Variants in ATP4B observed in about 807,000 individuals in gnomAD.
ATP4B encodes potassium-transporting ATPase subunit beta.
A neutral mutation model predicts 35.3 loss-of-function variants in ATP4B; 27 were observed. The observed-to-expected ratio is 0.76, with a 90% CI of 0.56 to 1.05. The LOEUF (loss-of-function observed/expected upper bound fraction) is 1.05, where lower values mean the gene tolerates loss of function less well. ATP4B is among the 50% of genes least tolerant of loss of function. The probability of loss-of-function intolerance (pLI) is 0.00; values close to 1 mark genes in which losing one functional copy is unlikely to be tolerated. For missense variants in ATP4B, 375 were observed against 384.8 expected (o/e 0.97, Z 0.21); for synonymous variants, 162 against 156.0 (o/e 1.04, Z -0.29).
intron 4 of ATP4B, 75 bp downstream of exon 4, chr13:113,652,798 C>T: frequency 6.5e-7 from 1 of 1,529,022 alleles, no homozygotes; most frequent in Non-Finnish European, 9.0e-7. Flanking sequence ...CACCTGTGCT[C>T]CTCGTGGTGG....
At position 113,651,773 on chromosome 13, in the gene ATP4B, C is replaced by G. The variant is rs545381324; in HGVS notation, c.556-46G>C. ...CGTGGCCGCTCCCCACCCCCACCGCCATGTGAGGTGCACGGCACCCACCCA... is the reference window on the plus strand; with the variant it reads ...CGTGGCCGCTCCCCACCCCCACCGCGATGTGAGGTGCACGGCACCCACCCA... On this transcript the variant is annotated intron_variant, in intron 4 of 6. Transcript: ENST00000335288. 2.5e-6 allele frequency: 4 copies of G among 1,602,942 alleles called. No homozygotes were observed. In the African/African-American group the frequency reaches 5.3e-5, roughly 21 times the overall value.
intron 1 of ATP4B, among the ~76,000 whole-genome samples, chr13:113,657,802 G>A (rs2049767248): frequency 6.6e-6 from 1 of 152,242 alleles, no homozygotes; most frequent in Non-Finnish European, 1.5e-5. Flanking sequence ...CCCTCCACCG[G>A]CGTTCTGCAG....
In ATP4B at chr13:113,651,651, C is replaced by T. The variant is rs538945627; in HGVS notation, c.612+20G>A. The T allele has an allele frequency of 1.1e-5, 17 of 1,591,844 alleles. 1 individual carries two copies. Among genetic ancestry groups the T allele is most frequent in the South Asian group, 9.0e-5 (8 of 88,746 alleles). On this transcript the variant is annotated intron_variant, in intron 5 of 6. Transcript: ENST00000335288. ...GCTCCTTTCCTGGGGCAGCCCTGCCCGCCGCGCGGCCGTACTCACCAGGAA... is the reference window on the plus strand; with the variant it reads ...GCTCCTTTCCTGGGGCAGCCCTGCCTGCCGCGCGGCCGTACTCACCAGGAA...
intron 1 of ATP4B, 93 bp downstream of exon 1, chr13:113,657,940 G>T: frequency 9.6e-7 from 1 of 1,045,156 alleles, no homozygotes; most frequent in Non-Finnish European, 1.4e-6. Context: ...ACTGTCAGGG[G>T]CCCTCTGCTC....
intron 2 of ATP4B, 127 bp downstream of exon 2, chr13:113,654,687 G>A (rs1473705497): frequency 7.0e-7 from 1 of 1,420,556 alleles, no homozygotes; most frequent in Non-Finnish European, 9.4e-7. Flanking sequence ...CTCACCCTGG[G>A]GCTGCCGGGC....
intron 4 of ATP4B, among the ~76,000 whole-genome samples, chr13:113,652,278 G>A (rs2049718481): frequency 3.3e-5 from 5 of 152,350 alleles, no homozygotes; most frequent in African/African-American, 1.2e-4. Flanking sequence ...CGGCAGTGCT[G>A]AGACCCTGGC....
At chr13:113,652,687 A>G (rs572895258) in intron 4 of ATP4B, 186 bp downstream of exon 4, 7 of 718,978 alleles carry the variant, frequency 9.7e-6, no homozygotes, top group African/African-American at 8.7e-5. Context: ...AGTGGTTTCA[A>G]ATTTGTATCT....
rs758073640 is a variant in ATP4B, at chr13:113,652,923, T to C, written c.505A>G (p.Asn169Asp). 4.3e-6 allele frequency: 7 copies of C among 1,614,124 alleles called. No individual in the cohort carries two copies. The highest frequency in any genetic ancestry group is 1.7e-5 in the Admixed American group (1 of 60,008). The change falls in exon 4 of 7, where the codon AAC becomes GAC. Residue 169 changes from asparagine to aspartate, a missense_variant. Physicochemically the swap from Asn to Asp is conservative, Grantham distance 23. Coordinates refer to ENST00000335288, the MANE Select transcript of ATP4B (RefSeq NM_000705.4). The stretch of plus-strand genomic sequence containing the variant: ...GGCTTTCCTTCTTCAAAGCCGAAGT[T>C]GGGATCCGCCAGGCCTGAGCAGTTC... ...LQNCSGLADPNFGFEEGKPCF... is the reference protein window; with the variant it reads ...LQNCSGLADPDFGFEEGKPCF...
intron 5 of ATP4B, 56 bp downstream of exon 5, chr13:113,651,615 G>C: frequency 6.6e-7 from 1 of 1,516,218 alleles, no homozygotes; most frequent in Non-Finnish European, 8.9e-7. Context: ...GAACCAGCAC[G>C]ACCCTGACAA....
Position 113,650,365 on chromosome 13 carries a change from C to G in ATP4B, c.714+41G>C, listed in dbSNP as rs752482539. On this transcript the variant is annotated intron_variant, in intron 6 of 6. Coordinates refer to ENST00000335288, the MANE Select transcript of ATP4B (RefSeq NM_000705.4). This position sits in a 1 kb window ranked among gnomAD's most constrained non-coding sequence, Gnocchi z 5.0. ...TCCTTTCGCTAAGTGTGAGAGGACT[C>G]AGCAGCTGTGGTGAGGGAAGCGTGG... 1 of 1,571,614 alleles carries G rather than the reference C, an allele frequency of 6.4e-7. No homozygotes were observed. The highest frequency in any genetic ancestry group is 8.8e-7 in the Non-Finnish European group (1 of 1,141,986).
intron 4 of ATP4B, 113 bp from the exon 5 acceptor site, chr13:113,651,840 C>T (rs1362845662): frequency 7.6e-7 from 1 of 1,315,106 alleles, no homozygotes; most frequent in East Asian, 2.6e-5. Flanking sequence ...GCTTTCTGAC[C>T]AGGACTGAGA....
chr13:113,657,466 A>G (rs942511594), intron 1 of ATP4B, among the ~76,000 whole-genome samples: 2 of 152,210 alleles, frequency 1.3e-5, no homozygotes, highest in African/African-American at 4.8e-5. Context: ...CTTTCCTCCC[A>G]GGAGGGCCAG....
At position 113,649,212 on chromosome 13, in the gene ATP4B, T is replaced by C; in HGVS notation, c.*162A>G. On this transcript the variant is annotated 3_prime_UTR_variant, in exon 7 of 7. Transcript: ENST00000335288. This position sits in a 1 kb window ranked among gnomAD's most constrained non-coding sequence, Gnocchi z 4.7. ...GAACTGATACTCGCGAGCAGGTCCTTCAGATGTGGGCGCTTCTCTGGAGTT... is the reference window on the plus strand; with the variant it reads ...GAACTGATACTCGCGAGCAGGTCCTCCAGATGTGGGCGCTTCTCTGGAGTT... The C allele has an allele frequency of 1.4e-6, 1 of 690,550 alleles. No homozygotes were observed. 42.8% of individuals were successfully genotyped at this position (690,550 alleles called of 1,614,324 possible).
rs549990875 is a variant in ATP4B, at chr13:113,654,893, G to C, written c.162C>G (p.Leu54=). Residue 54 remains leucine (L), a synonymous_variant, in exon 2 of 7, where the codon CTC becomes CTG. Coordinates refer to ENST00000335288, the MANE Select transcript of ATP4B (RefSeq NM_000705.4). The part of the protein sequence containing the change: ...YVAFYVVMTG[L]FALCLYVLMQ... ...TCAGCACATAGAGGCACAGGGCGAA[G>C]AGCCCAGTCATCACCACGTAGAAGG... 1.8e-5 allele frequency: 29 copies of C among 1,614,242 alleles called. No individual in the cohort carries two copies. The South Asian group carries it at 2.6e-4, about 15-fold the overall frequency.
intron 2 of ATP4B, 81 bp from the exon 3 acceptor site, chr13:113,653,515 C>G: frequency 7.6e-7 from 1 of 1,313,242 alleles, no homozygotes; most frequent in African/African-American, 1.5e-5. Context: ...GCTGAGGATA[C>G]GCCAGAGGCG....
chr13:113,656,788 A>G (rs2049758488), intron 1 of ATP4B, among the ~76,000 whole-genome samples: 2 of 152,126 alleles, frequency 1.3e-5, no homozygotes, highest in Admixed American at 6.5e-5. Flanking sequence ...ACCATTCCAG[A>G]AGGTTCTCTG....
rs769901596 is a variant in ATP4B, at chr13:113,649,383, A to G, written c.867T>C (p.Ile289=). ...CCCTGCGCAAACCGTTTCACTTCTC[A>G]ATCTTGAGTTTGAACTCCACTTTCC... The part of the protein sequence containing the change: ...YEGKVEFKLK[I]EK Residue 289 remains isoleucine (I), a synonymous_variant, in exon 7 of 7, where the codon ATT becomes ATC. Coordinates refer to ENST00000335288, the MANE Select transcript of ATP4B (RefSeq NM_000705.4). The surrounding 1 kb of genome is among the most constrained non-coding windows in gnomAD (Gnocchi z 4.7). The G allele has an allele frequency of 1.3e-6, 2 of 1,594,330 alleles. No individual in the cohort carries two copies.
intron 5 of ATP4B, among the ~76,000 whole-genome samples, chr13:113,651,006 G>T (rs1439901810): frequency 6.6e-6 from 1 of 152,024 alleles, no homozygotes; most frequent in African/African-American, 2.4e-5. Flanking sequence ...AGGAGCCGCA[G>T]TGTGGCCCAA....
rs1566687855 is a variant in ATP4B at position 113,650,983 on chromosome 13, C to T, written c.613-476G>A. Among the ~76,000 whole-genome samples the T allele has an allele frequency of 6.6e-6, 1 of 151,884 alleles. No homozygotes were observed. Among genetic ancestry groups the T allele is most frequent in the African/African-American group, 2.4e-5 (1 of 41,330 alleles). On this transcript the variant is annotated intron_variant, in intron 5 of 6. Coordinates refer to ENST00000335288, the MANE Select transcript of ATP4B (RefSeq NM_000705.4). The surrounding 1 kb of genome is among the most constrained non-coding windows in gnomAD (Gnocchi z 5.0). ...CGAACAGCTGAAGGGTGCTTTGGAT[C>T]TGTTAGAATCTCAGGAGCCGCAGTG...
Sources: gnomAD v4.1 joint callset for allele counts (sites outside exome capture counted in the v4.1 genomes callset) on GRCh38, gnomAD v4.1.1 for gene constraint, Gnocchi (gnomAD v3.1) non-coding constraint, MANE v1.5 for transcripts, NCBI Gene and HGNC (gene_info 2026-07-23, HGNC 2026-07-21) for gene names.